ELOC: variants seen among roughly 807,000 people sequenced by gnomAD.
ELOC encodes elongin-C.
For synonymous variants in ELOC, 40 were observed against 51.3 expected, an observed-to-expected ratio of 0.78 and a Z score of 0.94; for missense variants, 38 against 139.0, an observed-to-expected ratio of 0.27 and a Z score of 3.65.
intron 1 of ELOC, among the ~76,000 whole-genome samples, chr8:73,965,036 C>CAAAAAAAAAAAAAAAAA (rs61081733): frequency 2.5e-5 from 2 of 81,410 alleles, no homozygotes; most frequent in Non-Finnish European, 4.6e-5. Context: ...AAAAACAAAC[C>CAAAAAAAAAAAAAAAAA]AAAAAAAAAA....
Position 73,946,669 on chromosome 8 carries a change from T to C in ELOC, c.300A>G (p.Ala100=). The change falls in exon 4 of 4, where the codon GCA becomes GCG. Residue 100 remains alanine, a synonymous_variant. Coordinates refer to ENST00000520242, the MANE Select transcript of ELOC (RefSeq NM_005648.4). ...IPEFPIAPEI[A]LELLMAANFL... is the part of the protein sequence containing the mutation. ...AGTTCGCAGCCATCAGCAGTTCCAG[T>C]GCAATTTCAGGTGCAATTGGGAATT... 1 of 1,609,876 alleles carries C rather than the reference T, an allele frequency of 6.2e-7. No individual in the cohort carries two copies. The highest frequency in any genetic ancestry group is 8.5e-7 in the Non-Finnish European group (1 of 1,178,380).
chr8:73,964,061 C>A (rs1456821383), intron 1 of ELOC, among the ~76,000 whole-genome samples: 1 of 132,536 alleles, frequency 7.5e-6, no homozygotes, highest in Non-Finnish European at 1.5e-5. Flanking sequence ...CCACTGCACT[C>A]CAGCCTGGGC....
chr8:73,968,716 C>T (rs556946862), intron 1 of ELOC, among the ~76,000 whole-genome samples: 5 of 152,292 alleles, frequency 3.3e-5, no homozygotes, highest in South Asian at 2.1e-4. Flanking sequence ...ATTGATATTC[C>T]GTCACCTAAC....
At chr8:73,957,015 C>CA (rs975015732) in intron 2 of ELOC, among the ~76,000 whole-genome samples, 16 of 151,430 alleles carry the variant, frequency 1.1e-4, no homozygotes, top group Admixed American at 5.3e-4. Context: ...ACTAAAAATA[C>CA]AAAAAAAATT....
intron 1 of ELOC, among the ~76,000 whole-genome samples, chr8:73,965,859 G>A (rs1814939154): frequency 6.6e-6 from 1 of 152,134 alleles, no homozygotes; most frequent in African/African-American, 2.4e-5. Context: ...AACAGAGGAG[G>A]AATAAGAGTT....
chr8:73,945,780 A>G lies in ELOC; in HGVS notation c.*850T>C, dbSNP rs1426510255. On this transcript the variant is annotated 3_prime_UTR_variant, in exon 4 of 4. Transcript: ENST00000520242. ...ATGGAGAAAGACTGGAATAGTTCAA[A>G]AAGGTGTAGCTTTTAAGATCTGAAT... is the stretch of plus-strand genomic sequence containing the variant. 3.3e-5 allele frequency: 5 copies of G among 152,224 alleles called. No homozygotes were observed. The highest frequency in any genetic ancestry group is 5.9e-5 in the Non-Finnish European group (4 of 68,036). 9.4% of individuals were successfully genotyped at this position (152,224 alleles called of 1,614,324 possible).
chr8:73,948,180 G>GA lies in ELOC; in HGVS notation c.149-1361dup, dbSNP rs537165889. On this transcript the variant is annotated intron_variant, in intron 3 of 3. Coordinates refer to ENST00000520242, the MANE Select transcript of ELOC (RefSeq NM_005648.4). ...GCACTCCAGCCTGGGCGACAAGAAC[G>GA]AAACTCCGTCTCAAAAAAAAAAAAA... Among the ~76,000 whole-genome samples, 660 of 140,114 alleles carry GA rather than the reference G, an allele frequency of 4.7e-3. 1 individual carries two copies. Among genetic ancestry groups the GA allele is most frequent in the African/African-American group, 0.016 (608 of 38,350 alleles). The allele number at this position is 140,114 out of a possible 152,430, so 91.9% of individuals were successfully genotyped here.
rs770087192 is a variant in ELOC at position 73,972,143 on chromosome 8, C to A, written c.-117G>T. ...GCCACAGCCCCTATCCCAGGGCCGC[C>A]CCCCCACCCCCAGCTGCCTGCTCCG... On this transcript the variant is annotated 5_prime_UTR_variant, in exon 1 of 4. Coordinates refer to ENST00000520242, the MANE Select transcript of ELOC (RefSeq NM_005648.4). The A allele has an allele frequency of 2.6e-5, 4 of 152,416 alleles. No individual in the cohort carries two copies. Among genetic ancestry groups the A allele is most frequent in the Non-Finnish European group, 5.9e-5 (4 of 68,224 alleles). The allele number at this position is 152,416 out of a possible 1,614,324, so 9.4% of individuals were successfully genotyped here.
chr8:73,967,718 T>G (rs1392376508), intron 1 of ELOC, among the ~76,000 whole-genome samples: 1 of 152,218 alleles, frequency 6.6e-6, no homozygotes, highest in Middle Eastern at 3.2e-3. Context: ...TCCGCTCACC[T>G]TGGCCTCCCA....
chr8:73,957,650 A>C (rs1045630359), intron 2 of ELOC, among the ~76,000 whole-genome samples: 2 of 152,254 alleles, frequency 1.3e-5, no homozygotes, highest in South Asian at 2.1e-4. Context: ...ACAAGAAAAC[A>C]ACCAGACAAA....
intron 3 of ELOC, among the ~76,000 whole-genome samples, chr8:73,951,873 AAAT>A (rs1355481046): frequency 1.2e-4 from 18 of 152,366 alleles, no homozygotes; most frequent in African/African-American, 4.3e-4. Context: ...GAGAGCCCAG[AAAT>A]ACACAAATCT....
chr8:73,959,842 T>G (rs1814470992), intron 1 of ELOC, 24 bp from the exon 2 acceptor site: 3 of 1,284,310 alleles, frequency 2.3e-6, no homozygotes, highest in Middle Eastern at 2.8e-4. Flanking sequence ...AATATCATAT[T>G]AAGATTAATG....
chr8:73,957,260 T>TA (rs1388271931), intron 2 of ELOC, among the ~76,000 whole-genome samples: 1 of 151,978 alleles, frequency 6.6e-6, no homozygotes, highest in Non-Finnish European at 1.5e-5. Context: ...TATTGGTCTT[T>TA]AAAAAAACCC....
intron 2 of ELOC, among the ~76,000 whole-genome samples, chr8:73,957,515 G>A (rs966306645): frequency 1.3e-5 from 2 of 152,162 alleles, no homozygotes; most frequent in East Asian, 3.8e-4. Context: ...GGATGAAGCT[G>A]AAGTACTGTT....
At chr8:73,946,845 G>A in intron 3 of ELOC, 25 bp from the exon 4 acceptor site, 1 of 1,589,382 alleles carries the variant, frequency 6.3e-7, no homozygotes, top group Non-Finnish European at 8.6e-7. Flanking sequence ...AATTATGTAT[G>A]TTATTGGCTG....
At chr8:73,959,166 T>C (rs969559736) in intron 2 of ELOC, among the ~76,000 whole-genome samples, 4 of 152,144 alleles carry the variant, frequency 2.6e-5, no homozygotes, top group Non-Finnish European at 5.9e-5. Context: ...GGTGAGTGAA[T>C]GTGAAGGCCT....
intron 2 of ELOC, 132 bp downstream of exon 2, chr8:73,959,633 C>G: frequency 4.5e-6 from 3 of 673,196 alleles, no homozygotes; most frequent in Non-Finnish European, 7.3e-6. Flanking sequence ...GTGTAGTAAA[C>G]ATAAGCTGTT....
intron 3 of ELOC, among the ~76,000 whole-genome samples, chr8:73,951,175 GGGA>G: frequency 6.6e-6 from 1 of 152,334 alleles, no homozygotes; most frequent in East Asian, 1.9e-4. Flanking sequence ...AGGAAGCTGA[GGGA>G]GGAGAATCGC....
intron 1 of ELOC, among the ~76,000 whole-genome samples, chr8:73,961,066 C>A (rs1264276917): frequency 6.6e-6 from 1 of 152,086 alleles, no homozygotes; most frequent in Non-Finnish European, 1.5e-5. Flanking sequence ...TGAAATTTAA[C>A]AATAAAGTGG....
Sources: allele counts gnomAD v4.1 joint callset (sites outside exome capture counted in the v4.1 genomes callset), GRCh38; gene constraint gnomAD v4.1.1; transcripts MANE v1.5; gene names NCBI Gene and HGNC (gene_info 2026-07-23, HGNC 2026-07-21).